Variants in NPAS3 observed in about 807,000 individuals in gnomAD.
NPAS3 encodes neuronal PAS domain-containing protein 3.
In NPAS3, 14 loss-of-function variants were observed where a neutral mutation model predicts 73.1. The observed-to-expected ratio is 0.19, with a 90% confidence interval of 0.13 to 0.30. NPAS3 has a LOEUF of 0.30. NPAS3 is among the 10% of genes least tolerant of loss of function. The pLI is 1.00. For synonymous variants in NPAS3, 620 were observed against 541.5 expected (o/e 1.14, Z -2.01); for missense variants, 1,096 against 1,250.0 (o/e 0.88, Z 1.86).
intron 2 of NPAS3, among the ~76,000 whole-genome samples, chr14:33,133,735 A>G (rs2043726567): frequency 9.9e-5 from 15 of 152,166 alleles, no homozygotes; most frequent in Admixed American, 9.8e-4. Context: ...CTTTTGTAAG[A>G]ATGTAGTTTC....
chr14:33,595,569 T>C (rs1958549), intron 5 of NPAS3, among the ~76,000 whole-genome samples: 56,858 of 152,030 alleles, frequency 0.37, 11,605 homozygotes, highest in East Asian at 0.65. Context: ...TGTTTTATGA[T>C]TTGATAATGA....
chr14:33,133,597 A>G, intron 2 of NPAS3, among the ~76,000 whole-genome samples: 1 of 152,336 alleles, frequency 6.6e-6, no homozygotes. Flanking sequence ...GTAAAATAAC[A>G]TTATGACTGC....
At chr14:33,736,831 A>G (rs1165130692) in intron 7 of NPAS3, among the ~76,000 whole-genome samples, 1 of 152,198 alleles carries the variant, frequency 6.6e-6, no homozygotes, top group East Asian at 1.9e-4. Flanking sequence ...AAAAAGCAAT[A>G]TTAAGTATAA....
intron 4 of NPAS3, among the ~76,000 whole-genome samples, chr14:33,438,798 T>G (rs926248197): frequency 6.6e-6 from 1 of 152,166 alleles, no homozygotes; most frequent in Admixed American, 6.5e-5. Flanking sequence ...ACGTAAAAAT[T>G]TTCCACGTTG....
chr14:33,489,148 C>T (rs558879658), intron 4 of NPAS3, among the ~76,000 whole-genome samples: 1 of 152,190 alleles, frequency 6.6e-6, no homozygotes, highest in Admixed American at 6.5e-5. Context: ...ACTGGAATTA[C>T]ATTTTATTTA....
At chr14:32,971,095 T>TC (rs1435879899) in intron 1 of NPAS3, among the ~76,000 whole-genome samples, 3 of 151,200 alleles carry the variant, frequency 2.0e-5, no homozygotes, top group Non-Finnish European at 4.4e-5. Context: ...TTTCTTTTTT[T>TC]TTTTTTTGAG....
chr14:33,600,169 G>A lies in NPAS3; in HGVS notation c.558+39959G>A, dbSNP rs1006171594. Among the ~76,000 whole-genome samples the A allele has an allele frequency of 3.9e-5, 6 of 152,060 alleles. No individual in the cohort carries two copies. The South Asian group carries it at 6.2e-4, about 16-fold the overall frequency. ...AATATTTCCATGTGAACATTTCTTC[G>A]ATGAAGAGTCATATTATCCACAGAA... On this transcript the variant is annotated intron_variant, in intron 5 of 11. Coordinates refer to ENST00000356141, the Ensembl canonical transcript of NPAS3.
chr14:33,254,184 C>T (rs1200771147), intron 3 of NPAS3, among the ~76,000 whole-genome samples: 1 of 152,098 alleles, frequency 6.6e-6, no homozygotes, highest in African/African-American at 2.4e-5. Context: ...TTCCATGTAG[C>T]AGCTTCCATA....
At chr14:33,154,321 C>A (rs755363404) in intron 2 of NPAS3, among the ~76,000 whole-genome samples, 5 of 152,238 alleles carry the variant, frequency 3.3e-5, no homozygotes, top group Non-Finnish European at 5.9e-5. Context: ...ACTATACCTT[C>A]CCTTAACTCA....
intron 1 of NPAS3, among the ~76,000 whole-genome samples, chr14:33,039,893 G>C (rs2040296048): frequency 6.6e-6 from 1 of 152,036 alleles, no homozygotes. Context: ...GAGACACAAG[G>C]TATATTTGTA....
At chr14:33,606,010 A>G (rs941612883) in intron 5 of NPAS3, among the ~76,000 whole-genome samples, 19 of 152,166 alleles carry the variant, frequency 1.2e-4, no homozygotes, top group African/African-American at 4.6e-4. Flanking sequence ...TGATATTGGC[A>G]TAATATTTGA....
intron 6 of NPAS3, among the ~76,000 whole-genome samples, chr14:33,707,031 A>C (rs1322338858): frequency 6.6e-6 from 1 of 152,240 alleles, no homozygotes; most frequent in Non-Finnish European, 1.5e-5. Flanking sequence ...TGTGTCCTCT[A>C]TCTTCCTGTC....
At chr14:33,668,337 GTTTA>G (rs1254095038) in intron 5 of NPAS3, among the ~76,000 whole-genome samples, 1 of 152,074 alleles carries the variant, frequency 6.6e-6, no homozygotes, top group Non-Finnish European at 1.5e-5. Context: ...GCATTTTATT[GTTTA>G]TTATTATTTG....
chr14:33,769,947 A>C (rs1046869322), intron 7 of NPAS3, among the ~76,000 whole-genome samples: 4 of 151,706 alleles, frequency 2.6e-5, no homozygotes, highest in Non-Finnish European at 5.9e-5. Flanking sequence ...CATTTTTTGT[A>C]GAGATGGGAG....
intron 4 of NPAS3, among the ~76,000 whole-genome samples, chr14:33,379,977 CGTGT>C (rs34208750): frequency 0.18 from 25,412 of 144,218 alleles, 2,272 homozygotes; most frequent in Admixed American, 0.22. Context: ...AGTTATCCCT[CGTGT>C]GTGTGTGTGT....
At position 33,619,416 on chromosome 14, in the gene NPAS3, A is replaced by C. The variant is rs79094258; in HGVS notation, c.559-56795A>C. ...TTGCTTGTCTCTGAATGTGCTCTTAAACTATATGAAATGAGACAAGACTGA... is the reference window on the plus strand; with the variant it reads ...TTGCTTGTCTCTGAATGTGCTCTTACACTATATGAAATGAGACAAGACTGA... On this transcript the variant is annotated intron_variant, in intron 5 of 11. Coordinates refer to ENST00000356141, the Ensembl canonical transcript of NPAS3. Among the ~76,000 whole-genome samples the C allele has an allele frequency of 0.01, 1,580 of 152,200 alleles. 61 individuals carry two copies. The East Asian group carries it at 0.15, about 14-fold the overall frequency.
chr14:33,251,440 G>A (rs921003970), intron 3 of NPAS3, among the ~76,000 whole-genome samples: 3 of 152,090 alleles, frequency 2.0e-5, no homozygotes, highest in Non-Finnish European at 4.4e-5. Flanking sequence ...GCCTGGTGAT[G>A]TCTGCACTGG....
At chr14:32,938,807 G>A (rs926850645), upstream of NPAS3, among the ~76,000 whole-genome samples, 1 of 147,216 alleles carries the variant, frequency 6.8e-6, no homozygotes, top group African/African-American at 2.4e-5. Flanking sequence ...GGGCCGGGCT[G>A]CCCGCGGGAC....
chr14:33,748,748 T>TA (rs1382904187), intron 7 of NPAS3, among the ~76,000 whole-genome samples: 1 of 152,324 alleles, frequency 6.6e-6, no homozygotes, highest in Admixed American at 6.5e-5. Context: ...TCGTCATTGA[T>TA]GGTTGGCTGA....
Sources: gnomAD v4.1 joint callset for allele counts (sites outside exome capture counted in the v4.1 genomes callset) on GRCh38, gnomAD v4.1.1 for gene constraint, MANE v1.5 for transcripts, NCBI Gene and HGNC (gene_info 2026-07-23, HGNC 2026-07-21) for gene names.